SLC37A1: variants seen among roughly 807,000 people sequenced by gnomAD.
SLC37A1 encodes the protein glucose-6-phosphate exchanger SLC37A1.
Under a neutral mutation model 75.3 loss-of-function variants are expected in SLC37A1, and 49 were observed. That is an observed-to-expected ratio of 0.65 (90% CI 0.52 to 0.83). The LOEUF (loss-of-function observed/expected upper bound fraction) is 0.83. Among genes scored for constraint, SLC37A1 ranks in the 40% least tolerant of loss-of-function variants. SLC37A1 has a pLI of 0.00. For synonymous variants in SLC37A1, 268 were observed against 292.1 expected (o/e 0.92, Z 0.84); for missense variants, 566 against 695.0 (o/e 0.81, Z 2.09).
At chr21:42,517,824 G>A (rs1197088551) in intron 1 of SLC37A1, among the ~76,000 whole-genome samples, 7 of 152,182 alleles carry the variant, frequency 4.6e-5, no homozygotes, top group African/African-American at 1.7e-4. Context: ...GGTTTGATCT[G>A]CCCTCTTGTC....
intron 10 of SLC37A1, among the ~76,000 whole-genome samples, chr21:42,557,677 C>T (rs73375819): frequency 3.3e-4 from 50 of 152,366 alleles, no homozygotes; most frequent in African/African-American, 1.1e-3. Context: ...GGGCTGCACT[C>T]GGTGCCACCT....
chr21:42,527,683 C>T (rs907900975), intron 3 of SLC37A1, among the ~76,000 whole-genome samples: 2 of 152,146 alleles, frequency 1.3e-5, no homozygotes, highest in African/African-American at 4.8e-5. Context: ...GCCTCCAGGG[C>T]CCCTACTCAT....
Position 42,581,011 on chromosome 21 carries a change from C to G in SLC37A1, c.*651C>G, listed in dbSNP as rs565241780. ...CCAAGGGTGAGGAGGCAGGAAGCACCTCCGGTTGGAGGCACCCAGGCTTGC... is the reference window on the plus strand; with the variant it reads ...CCAAGGGTGAGGAGGCAGGAAGCACGTCCGGTTGGAGGCACCCAGGCTTGC... On this transcript the variant is annotated 3_prime_UTR_variant, in exon 20 of 20. Transcript: ENST00000352133. 3.3e-5 allele frequency: 5 copies of G among 152,830 alleles called. No homozygotes were observed. The highest frequency in any genetic ancestry group is 1.2e-4 in the African/African-American group (5 of 41,594). The allele number at this position is 152,830 out of a possible 1,614,324, so 9.5% of individuals were successfully genotyped here. A position where few individuals can be genotyped will look rare whatever the true frequency, so the allele number is the denominator to read the frequency against.
intron 8 of SLC37A1, among the ~76,000 whole-genome samples, chr21:42,546,614 G>A (rs922592672): frequency 2.6e-5 from 4 of 152,162 alleles, no homozygotes; most frequent in Non-Finnish European, 5.9e-5. Flanking sequence ...ACTGGCTGGC[G>A]GTGATCTGCC....
At chr21:42,546,921 C>T (rs1277114883) in intron 8 of SLC37A1, among the ~76,000 whole-genome samples, 182 bp from the exon 9 acceptor site, 1 of 152,252 alleles carries the variant, frequency 6.6e-6, no homozygotes, top group Non-Finnish European at 1.5e-5. Flanking sequence ...TCGCAACTCA[C>T]AGCTGCCCGC....
In SLC37A1 at chr21:42,579,736, T is replaced by C; in HGVS notation, c.1522T>C (p.Phe508Leu). 6.2e-7 allele frequency: 1 copy of C among 1,614,124 alleles called. No individual in the cohort carries two copies. Among genetic ancestry groups the C allele is most frequent in the Non-Finnish European group, 8.5e-7 (1 of 1,180,006 alleles). Residue 508 changes from phenylalanine (F) to leucine (L), a missense_variant and splice_region_variant, in exon 19 of 20, where the codon TTC becomes CTC. Physicochemically the swap from Phe to Leu is conservative, Grantham distance 22. Coordinates refer to ENST00000352133, the MANE Select transcript of SLC37A1 (RefSeq NM_001320537.2). ...LMFADACALL[F>L]LIRLIHKELS... is the part of the protein sequence containing the mutation. ...TGGGCTCACCTTTGTTTTGGTGCAG[T>C]TCCTGATCCGCCTCATACACAAGGA...
Position 42,539,601 on chromosome 21 carries a change from G to A in SLC37A1, c.440G>A (p.Gly147Glu). 6.2e-7 allele frequency: 1 copy of A among 1,613,866 alleles called. No homozygotes were observed. Among genetic ancestry groups the A allele is most frequent in the Non-Finnish European group, 8.5e-7 (1 of 1,179,916 alleles). The change falls in exon 6 of 20, where the codon GGG (glycine) becomes GAG (glutamate). Residue 147 changes from glycine to glutamate, a missense_variant. Gly to Glu is a moderately conservative substitution (Grantham distance 98, BLOSUM62 -2). Transcript: ENST00000352133. ...GCCTTCACCGCCCTGTTCGGCTTAGGGTATTTCTACAACATCCACAGTTTC... is the reference window on the plus strand; with the variant it reads ...GCCTTCACCGCCCTGTTCGGCTTAGAGTATTTCTACAACATCCACAGTTTC... ...SGAFTALFGL[G>E]YFYNIHSFGF... is the part of the protein sequence containing the mutation.
chr21:42,525,276 G>A (rs937085016), intron 2 of SLC37A1, among the ~76,000 whole-genome samples: 31 of 152,250 alleles, frequency 2.0e-4, no homozygotes, highest in African/African-American at 6.8e-4. Context: ...CCTGAGAAGG[G>A]GTTCTTGGGA....
chr21:42,507,258 T>C (rs1339549082), intron 2 of SLC37A1, among the ~76,000 whole-genome samples: 2 of 148,084 alleles, frequency 1.4e-5, no homozygotes, highest in Admixed American at 6.7e-5. Context: ...TAAATACTAA[T>C]GGTCTTAACC....
At chr21:42,575,870 G>T in intron 18 of SLC37A1, 1 of 985,276 alleles carries the variant, frequency 1.0e-6, no homozygotes, top group African/African-American at 1.7e-5. Context: ...TCATCTGTGG[G>T]TTCTTTTAAT....
chr21:42,537,045 C>T (rs950654529), intron 5 of SLC37A1, among the ~76,000 whole-genome samples: 1 of 152,176 alleles, frequency 6.6e-6, no homozygotes, highest in African/African-American at 2.4e-5. Context: ...TTAGCTGCTT[C>T]CCTGAGACCT....
At chr21:42,527,913 G>A (rs975586174) in intron 3 of SLC37A1, among the ~76,000 whole-genome samples, 2 of 152,144 alleles carry the variant, frequency 1.3e-5, no homozygotes, top group African/African-American at 4.8e-5. Flanking sequence ...CTTCTGAAGC[G>A]CCCGTGTGCT....
intron 6 of SLC37A1, among the ~76,000 whole-genome samples, chr21:42,540,165 C>A (rs2055240235): frequency 6.6e-6 from 1 of 152,238 alleles, no homozygotes. Flanking sequence ...GGGGAACTTA[C>A]ATACTGAGGG....
chr21:42,563,773 A>C, intron 12 of SLC37A1, 42 bp from the exon 13 acceptor site: 1 of 1,598,744 alleles, frequency 6.3e-7, no homozygotes, highest in Non-Finnish European at 8.6e-7. Context: ...CGATGCGTGA[A>C]GGAGATCCTC....
At chr21:42,573,375 G>C (rs904266295) in intron 17 of SLC37A1, among the ~76,000 whole-genome samples, 1 of 151,982 alleles carries the variant, frequency 6.6e-6, no homozygotes, top group African/African-American at 2.4e-5. Context: ...GCTGGGCCTC[G>C]CTCTGCTCCA....
chr21:42,540,190 C>T (rs62215926), intron 6 of SLC37A1, among the ~76,000 whole-genome samples: 8,851 of 152,248 alleles, frequency 0.058, 312 homozygotes, highest in Middle Eastern at 0.11. Context: ...AGTGTATGGT[C>T]GCAACACACA....
Position 42,548,018 on chromosome 21 carries a change from GCTTCCCTCCCTCTGGGGGTCAGCTCT to G in SLC37A1, c.768+895_768+920del, listed in dbSNP as rs1318613295. On this transcript the variant is annotated intron_variant, in intron 9 of 19. Transcript: ENST00000352133. This position sits in a 1 kb window ranked among gnomAD's most constrained non-coding sequence, Gnocchi z 5.6. ...GCCCGTCGCCCGCGTCTGACCCAAT[GCTTCCCTCCCTCTGGGGGTCAGCTCT>G]CTTCCCTCCCTCTGGGAAAGGCTCC... is the stretch of plus-strand genomic sequence containing the variant. Among the ~76,000 whole-genome samples the G allele has an allele frequency of 7.2e-5, 11 of 152,196 alleles. No homozygotes were observed. Among genetic ancestry groups the G allele is most frequent in the African/African-American group, 2.4e-4 (10 of 41,532 alleles).
rs141048502 is a variant in SLC37A1, at chr21:42,501,280, G to A, written c.-300-1016G>A. Reference sequence around the variant, plus strand: ...ATTCTTAAATCACACTCCATTTTCCGAGGGCTCTCTCAGGATATCAGTTGC... The same window carrying A: ...ATTCTTAAATCACACTCCATTTTCCAAGGGCTCTCTCAGGATATCAGTTGC... On this transcript the variant is annotated intron_variant, in intron 1 of 20. Transcript: ENST00000398341. 6.1e-4 allele frequency among the ~76,000 whole-genome samples: 93 copies of A among 152,178 alleles called. No homozygotes were observed. In the East Asian group the frequency reaches 0.016, roughly 26 times the overall value.
intron 12 of SLC37A1, among the ~76,000 whole-genome samples, chr21:42,562,682 C>G (rs558974037): frequency 1.3e-5 from 2 of 152,272 alleles, no homozygotes; most frequent in South Asian, 4.1e-4. Flanking sequence ...ACATGCCCCC[C>G]CCATGTCATG....
Sources: allele counts gnomAD v4.1 joint callset (sites outside exome capture counted in the v4.1 genomes callset), GRCh38; gene constraint gnomAD v4.1.1; non-coding constraint Gnocchi (gnomAD v3.1); transcripts MANE v1.5; gene names NCBI Gene and HGNC (gene_info 2026-07-23, HGNC 2026-07-21).